Variants in SHISA9 observed in about 807,000 individuals in gnomAD.
SHISA9 encodes protein shisa-9.
In SHISA9, 13 loss-of-function variants were observed where a neutral mutation model predicts 38.0. The observed-to-expected ratio is 0.34, with a 90% CI of 0.22 to 0.54. The LOEUF (loss-of-function observed/expected upper bound fraction) is 0.54. Among genes scored for constraint, SHISA9 ranks in the 20% least tolerant of loss-of-function variants. The pLI, the probability that SHISA9 is intolerant of heterozygous loss-of-function variation, is 0.91. For synonymous variants in SHISA9, 275 were observed against 242.0 expected (o/e 1.14, Z -1.27); for missense variants, 538 against 575.8 (o/e 0.93, Z 0.67).
At chr16:13,282,665 A>G in the SHISA9 span, among the ~76,000 whole-genome samples, 1 of 151,638 alleles carries the variant, frequency 6.6e-6, no homozygotes, top group African/African-American at 2.4e-5. Context: ...GGATCCTAGG[A>G]CTCTGTTACA....
chr16:13,112,622 C>T (rs908414520), intron 2 of SHISA9, among the ~76,000 whole-genome samples: 5 of 150,080 alleles, frequency 3.3e-5, no homozygotes, highest in African/African-American at 7.4e-5. Flanking sequence ...AGCATGAGTT[C>T]GTGATTTTTT....
the SHISA9 span, among the ~76,000 whole-genome samples, chr16:13,548,852 C>T: frequency 2.6e-5 from 4 of 152,054 alleles, no homozygotes; most frequent in Admixed American, 6.5e-5. Flanking sequence ...CCAGTAATCC[C>T]ACAGCTGGGT....
chr16:13,378,372 A>G, the SHISA9 span, among the ~76,000 whole-genome samples: 5 of 152,142 alleles, frequency 3.3e-5, no homozygotes, highest in African/African-American at 1.2e-4. Flanking sequence ...GGATGACTGT[A>G]CATTCCAAGC....
chr16:13,211,664 A>C (rs933047898), intron 3 of SHISA9, among the ~76,000 whole-genome samples: 1 of 152,256 alleles, frequency 6.6e-6, no homozygotes, highest in African/African-American at 2.4e-5. Flanking sequence ...TAGCCTATAC[A>C]TCATCTTATT....
At chr16:13,429,401 T>A in the SHISA9 span, among the ~76,000 whole-genome samples, 2 of 152,300 alleles carry the variant, frequency 1.3e-5, no homozygotes, top group South Asian at 4.2e-4. Flanking sequence ...TGTGGTTTGC[T>A]GGCATCCCTT....
rs79431950 is a variant in SHISA9, at chr16:13,163,833, G to T, written c.692-39561G>T. 2.7e-3 allele frequency among the ~76,000 whole-genome samples: 414 copies of T among 152,088 alleles called. 2 individuals carry two copies. The highest frequency in any genetic ancestry group is 4.8e-3 in the Non-Finnish European group (328 of 67,898). On this transcript the variant is annotated intron_variant, in intron 2 of 4. Coordinates refer to ENST00000558583, the MANE Select transcript of SHISA9 (RefSeq NM_001145204.3). ...ACGGAGTTTGGTATGTTAACCTTGTGTCTTGCAACCTTGCTAAAATCACTT... is the reference window on the plus strand; with the variant it reads ...ACGGAGTTTGGTATGTTAACCTTGTTTCTTGCAACCTTGCTAAAATCACTT...
rs536584032 is a variant in SHISA9, at chr16:13,049,687, C to T, written c.691+132872C>T. Among the ~76,000 whole-genome samples the T allele has an allele frequency of 3.6e-3, 552 of 152,210 alleles. 3 individuals carry two copies. Among genetic ancestry groups the T allele is most frequent in the Admixed American group, 5.8e-3 (88 of 15,284 alleles). On this transcript the variant is annotated intron_variant, in intron 2 of 4. Transcript: ENST00000558583. ...GGGAAAATTAGACAAAGGAAAAATT[C>T]CAAAAGGATAATGAGTCCTCATTTC... is the stretch of plus-strand genomic sequence containing the variant.
intron 2 of SHISA9, among the ~76,000 whole-genome samples, chr16:13,180,142 A>G (rs1486543617): frequency 1.3e-5 from 2 of 152,248 alleles, no homozygotes; most frequent in Non-Finnish European, 2.9e-5. Flanking sequence ...ACATTTGTTC[A>G]ATGAATGTAG....
At chr16:13,099,557 G>C (rs906342591) in intron 2 of SHISA9, among the ~76,000 whole-genome samples, 8 of 151,980 alleles carry the variant, frequency 5.3e-5, no homozygotes, top group African/African-American at 1.9e-4. Flanking sequence ...TGGGCAGTGA[G>C]GATATCGGGA....
At chr16:13,057,525 C>T (rs1001101153) in intron 2 of SHISA9, among the ~76,000 whole-genome samples, 2 of 152,194 alleles carry the variant, frequency 1.3e-5, no homozygotes, top group Admixed American at 6.5e-5. Flanking sequence ...CACCATAGAT[C>T]CATCAAATCA....
intron 2 of SHISA9, among the ~76,000 whole-genome samples, chr16:13,021,105 T>C (rs952718194): frequency 2.0e-5 from 3 of 152,202 alleles, no homozygotes; most frequent in Non-Finnish European, 2.9e-5. Flanking sequence ...AATAGCTATA[T>C]GGTCCTGCTG....
chr16:13,199,419 G>T (rs2050982365), intron 2 of SHISA9, among the ~76,000 whole-genome samples: 1 of 152,202 alleles, frequency 6.6e-6, no homozygotes, highest in Non-Finnish European at 1.5e-5. Flanking sequence ...CAATACCTGG[G>T]TTTGCCCCAT....
chr16:12,984,664 C>T (rs1287417596), intron 2 of SHISA9, among the ~76,000 whole-genome samples: 1 of 152,180 alleles, frequency 6.6e-6, no homozygotes, highest in East Asian at 1.9e-4. Flanking sequence ...TTTGAAAGAG[C>T]TACTGGGCTT....
chr16:13,511,096 T>G, the SHISA9 span, among the ~76,000 whole-genome samples: 263 of 152,302 alleles, frequency 1.7e-3, 1 homozygote, highest in African/African-American at 5.3e-3. Context: ...TATGACTAAT[T>G]TTTATAAATC....
At chr16:13,323,467 A>G in the SHISA9 span, among the ~76,000 whole-genome samples, 1 of 152,242 alleles carries the variant, frequency 6.6e-6, no homozygotes, top group African/African-American at 2.4e-5. Flanking sequence ...TCATATTTAT[A>G]TGCGATATAG....
At chr16:13,291,875 C>G in the SHISA9 span, among the ~76,000 whole-genome samples, 63 of 152,160 alleles carry the variant, frequency 4.1e-4, no homozygotes, top group Admixed American at 1.4e-3. Context: ...TGTGTAGGAG[C>G]CTTTATGAAG....
chr16:13,087,198 G>A (rs1402152718), intron 2 of SHISA9, among the ~76,000 whole-genome samples: 6 of 129,920 alleles, frequency 4.6e-5, no homozygotes, highest in South Asian at 2.4e-4. Context: ...TGGTGTATAC[G>A]TGCCACATTT....
intron 2 of SHISA9, among the ~76,000 whole-genome samples, chr16:13,148,043 C>T (rs534149038): frequency 6.6e-6 from 1 of 152,194 alleles, no homozygotes; most frequent in African/African-American, 2.4e-5. Context: ...CTAGGGTGTT[C>T]TAAACATTGG....
At chr16:13,432,178 C>T in the SHISA9 span, among the ~76,000 whole-genome samples, 1 of 152,204 alleles carries the variant, frequency 6.6e-6, no homozygotes, top group South Asian at 2.1e-4. Context: ...TAAAAAGTCA[C>T]CCAACCAATT....
Sources: allele counts gnomAD v4.1 joint callset (sites outside exome capture counted in the v4.1 genomes callset), GRCh38; gene constraint gnomAD v4.1.1; transcripts MANE v1.5; gene names NCBI Gene and HGNC (gene_info 2026-07-23, HGNC 2026-07-21).